Variants in RBIS observed in about 807,000 individuals in gnomAD.
RBIS encodes ribosomal biogenesis factor, also known as ribosome biogenesis factor identified in screen.
RBIS carries 9 observed loss-of-function variants against 9.8 expected under a neutral mutation model. That is an observed-to-expected ratio of 0.92 (90% CI 0.56 to 1.61). The LOEUF is 1.61. RBIS is among the 40% of genes most tolerant of loss of function. The pLI, the probability that RBIS is intolerant of heterozygous loss-of-function variation, is 0.00. For missense variants in RBIS, 103 were observed against 116.0 expected (o/e 0.89, Z 0.51); for synonymous variants, 35 against 37.9 (o/e 0.92, Z 0.28).
In RBIS at chr8:85,214,071, T is replaced by G. The variant is rs1156497849; in HGVS notation, c.*489A>C. The G allele has an allele frequency of 1.7e-6, 1 of 586,762 alleles. No homozygotes were observed. Among genetic ancestry groups the G allele is most frequent in the African/African-American group, 1.9e-5 (1 of 53,630 alleles). The allele number at this position is 586,762 out of a possible 1,614,324, so 36.3% of individuals were successfully genotyped here. A position where few individuals can be genotyped will look rare whatever the true frequency, so the allele number is the denominator to read the frequency against. On this transcript the variant is annotated 3_prime_UTR_variant, in exon 4 of 4. Coordinates refer to ENST00000619594, the MANE Select transcript of RBIS (RefSeq NM_001099673.3). ...GCTTTAGGGGATAAGTGATTTAATA[T>G]CCACAAACGTCCCCACTCCCAAAAG...
intron 2 of RBIS, chr8:85,215,754 T>G (rs1214166156): frequency 1.3e-5 from 2 of 152,206 alleles, no homozygotes; most frequent in African/African-American, 4.8e-5. Context: ...AATAAACTGG[T>G]AAAAGTATTT....
At chr8:85,218,136 T>C (rs1001461416) in intron 1 of RBIS, among the ~76,000 whole-genome samples, 2 of 152,236 alleles carry the variant, frequency 1.3e-5, no homozygotes, top group Non-Finnish European at 2.9e-5. Flanking sequence ...CCTTTAATAA[T>C]GTATATGAGG....
rs1237899300 is a variant in RBIS, at chr8:85,214,127, T to C, written c.*433A>G. On this transcript the variant is annotated 3_prime_UTR_variant, in exon 4 of 4. Transcript: ENST00000619594. Reference sequence around the variant, plus strand: ...ATATTCTGGATTTCAACTTTTCTTCTAATTGTGAATCCTTCTGTTTTTTCT... The same window carrying C: ...ATATTCTGGATTTCAACTTTTCTTCCAATTGTGAATCCTTCTGTTTTTTCT... The C allele has an allele frequency of 1.8e-6, 1 of 554,416 alleles. No individual in the cohort carries two copies. Among genetic ancestry groups the C allele is most frequent in the Admixed American group, 2.3e-5 (1 of 43,454 alleles). The allele number at this position is 554,416 out of a possible 1,614,324, so 34.3% of individuals were successfully genotyped here.
rs200451411 is a variant in RBIS at position 85,214,570 on chromosome 8, G to A, written c.293C>T (p.Ala98Val). Reference protein sequence around the residue: ...VNVDEATRLMALL With the variant: ...VNVDEATRLMVLL ...TGCATCACCAGTATATTACAACAGA[G>A]CCATTAATCTTGTAGCTTCATCAAC... Residue 98 changes from alanine to valine, a missense_variant, in exon 4 of 4, where the codon GCT (alanine) becomes GTT (valine). Transcript: ENST00000619594. 3.8e-4 allele frequency: 602 copies of A among 1,566,036 alleles called. 3 individuals carry two copies. In the Middle Eastern group the frequency reaches 0.014, roughly 36 times the overall value.
At chr8:85,217,158 C>T (rs1813183769) in intron 2 of RBIS, 2 of 617,348 alleles carry the variant, frequency 3.2e-6, no homozygotes, top group Non-Finnish European at 5.7e-6. Context: ...AAGCTTCACA[C>T]ATTTGTAGTT....
chr8:85,214,974 C>A lies in RBIS; in HGVS notation c.178G>T (p.Glu60Ter). ...VNKAFVNVQK[E>*]LAHFAKSISL... ...ATGCTTTTTGCGAAATGTGCAAGTTCCTTTTGTACATTTACAAAAGCTTTA... is the reference window on the plus strand; with the variant it reads ...ATGCTTTTTGCGAAATGTGCAAGTTACTTTTGTACATTTACAAAAGCTTTA... Residue 60 changes from glutamate to a stop codon, truncating the protein, a stop_gained, in exon 3 of 4, where the codon GAA becomes TAA. Transcript: ENST00000619594. LOFTEE classifies it high-confidence loss of function. 1 of 1,593,036 alleles carries A rather than the reference C, an allele frequency of 6.3e-7. No individual in the cohort carries two copies. The highest frequency in any genetic ancestry group is 1.1e-5 in the South Asian group (1 of 87,044).
chr8:85,214,794 T>C (rs1813068547), intron 3 of RBIS, 127 bp downstream of exon 3: 1 of 726,096 alleles, frequency 1.4e-6, no homozygotes, highest in Admixed American at 2.7e-5. Context: ...ATTTATACTA[T>C]AGAGCCTAGT....
rs1196780682 is a variant in RBIS, at chr8:85,214,296, T to G, written c.*264A>C. 1 of 579,328 alleles carries G rather than the reference T, an allele frequency of 1.7e-6. No individual in the cohort carries two copies. Among genetic ancestry groups the G allele is most frequent in the Non-Finnish European group, 3.1e-6 (1 of 318,700 alleles). 35.9% of individuals were successfully genotyped at this position (579,328 alleles called of 1,614,324 possible). Reference sequence around the variant, plus strand: ...ATCCAAACAGACGTTCACTGCCACTTGTAAAGTGAAGGATGTAAACGAGGA... The same window carrying G: ...ATCCAAACAGACGTTCACTGCCACTGGTAAAGTGAAGGATGTAAACGAGGA... On this transcript the variant is annotated 3_prime_UTR_variant, in exon 4 of 4. Coordinates refer to ENST00000619594, the MANE Select transcript of RBIS (RefSeq NM_001099673.3).
At chr8:85,217,166 G>A (rs1813183963) in intron 2 of RBIS, 2 of 625,146 alleles carry the variant, frequency 3.2e-6, no homozygotes, top group Non-Finnish European at 5.6e-6. Flanking sequence ...CACATTTGTA[G>A]TTAAAATGTT....
rs767208097 is a variant in RBIS at position 85,217,503 on chromosome 8, C to G, written c.-3-1G>C. 2 of 1,581,228 alleles carry G rather than the reference C, an allele frequency of 1.3e-6. No homozygotes were observed. The highest frequency in any genetic ancestry group is 2.2e-5 in the East Asian group (1 of 44,632). ...CTCTTAATTTGTTCTTGGCCATTGT[C>G]TAGAAAAGAAAATAAATTCAATTAA... On this transcript the variant is annotated splice_acceptor_variant, in intron 1 of 3. Transcript: ENST00000619594. LOFTEE classifies it low-confidence loss of function (5UTR_SPLICE).
At position 85,214,631 on chromosome 8, in the gene RBIS, T is replaced by C; in HGVS notation, c.232A>G (p.Ile78Val). Residue 78 changes from isoleucine to valine, a missense_variant and splice_region_variant, in exon 4 of 4, where the codon ATT becomes GTT. Coordinates refer to ENST00000619594, the MANE Select transcript of RBIS (RefSeq NM_001099673.3). ...ISLEPLQKEL[I>V]PQQRHESKPV... Reference sequence around the variant, plus strand: ...TTGCTTTCATGACGCTGCTGAGGAATCTGAAAGGAGAAAGTATTATATTTA... The same window carrying C: ...TTGCTTTCATGACGCTGCTGAGGAACCTGAAAGGAGAAAGTATTATATTTA... The C allele has an allele frequency of 6.5e-7, 1 of 1,534,538 alleles. No homozygotes were observed. The highest frequency in any genetic ancestry group is 9.0e-7 in the Non-Finnish European group (1 of 1,108,404).
chr8:85,218,429 A>G lies in RBIS; in HGVS notation c.-3-927T>C, dbSNP rs186196084. ...TCATGTATAAATATAAAAGCTATAC[A>G]AAAAAATGGTATAGTATTGCTTAGT... On this transcript the variant is annotated intron_variant, in intron 1 of 3. Transcript: ENST00000619594. 1.1e-3 allele frequency among the ~76,000 whole-genome samples: 166 copies of G among 152,156 alleles called. 2 individuals carry two copies. The highest frequency in any genetic ancestry group is 3.8e-3 in the African/African-American group (158 of 41,522).
chr8:85,217,558 T>C (rs201430900), intron 1 of RBIS, 56 bp from the exon 2 acceptor site: 836 of 1,119,122 alleles, frequency 7.5e-4, no homozygotes, highest in Admixed American at 2.0e-3. Context: ...CGTAAGTCAA[T>C]TTTAAGTTTT....
intron 3 of RBIS, 92 bp downstream of exon 3, chr8:85,214,829 T>C: frequency 2.5e-6 from 2 of 786,938 alleles, no homozygotes; most frequent in Non-Finnish European, 4.2e-6. Flanking sequence ...TACTAAAAAT[T>C]ACACTCAACT....
chr8:85,214,326 T>C lies in RBIS; in HGVS notation c.*234A>G. ...AGTGAAGGATGTAAACGAGGATATA[T>C]AACTGTTTCAGTGAACAGATTTTGT... On this transcript the variant is annotated 3_prime_UTR_variant, in exon 4 of 4. Transcript: ENST00000619594. The C allele has an allele frequency of 1.7e-6, 1 of 591,432 alleles. No individual in the cohort carries two copies. Among genetic ancestry groups the C allele is most frequent in the Non-Finnish European group, 3.0e-6 (1 of 331,302 alleles). The allele number at this position is 591,432 out of a possible 1,614,324, so 36.6% of individuals were successfully genotyped here.
At chr8:85,217,067 C>T (rs1241998078) in intron 2 of RBIS, 2 of 489,634 alleles carry the variant, frequency 4.1e-6, no homozygotes, top group South Asian at 3.3e-5. Context: ...TACATTCTTA[C>T]ATTTGAGTTT....
chr8:85,218,069 C>T (rs1478482191), intron 1 of RBIS, among the ~76,000 whole-genome samples: 2 of 152,268 alleles, frequency 1.3e-5, no homozygotes, highest in Non-Finnish European at 1.5e-5. Flanking sequence ...GTCTTTCCTC[C>T]GTAGCTAGAG....
rs183133372 is a variant in RBIS, at chr8:85,214,901, A to G, written c.231+20T>C. The G allele has an allele frequency of 1.5e-6, 2 of 1,325,636 alleles. No individual in the cohort carries two copies. The highest frequency in any genetic ancestry group is 2.3e-5 in the East Asian group (1 of 43,326). 82.1% of individuals were successfully genotyped at this position (1,325,636 alleles called of 1,614,324 possible). A position where few individuals can be genotyped will look rare whatever the true frequency, so the allele number is the denominator to read the frequency against. On this transcript the variant is annotated intron_variant, in intron 3 of 3. Coordinates refer to ENST00000619594, the MANE Select transcript of RBIS (RefSeq NM_001099673.3). ...CCTCAATTTGTTAGCCATAAAAAAA[A>G]GCAAATGATTTCTGCTTACCAGTTC...
intron 1 of RBIS, 177 bp from the exon 2 acceptor site, chr8:85,217,679 A>G (rs987656283): frequency 8.4e-6 from 5 of 596,704 alleles, no homozygotes; most frequent in Non-Finnish European, 1.5e-5. Context: ...CTGCTCTTTG[A>G]GTACAGAGTA....
Sources: gnomAD v4.1 joint callset for allele counts (sites outside exome capture counted in the v4.1 genomes callset) on GRCh38, gnomAD v4.1.1 for gene constraint, MANE v1.5 for transcripts, NCBI Gene and HGNC (gene_info 2026-07-23, HGNC 2026-07-21) for gene names.